Variants in TAF3 observed in about 807,000 individuals in gnomAD.
TAF3 encodes TATA-box binding protein associated factor 3, also known as transcription initiation factor TFIID subunit 3.
In TAF3, 7 loss-of-function variants were observed where a neutral mutation model predicts 80.6. The ratio of observed to expected loss-of-function variants is 0.09; its 90% confidence interval spans 0.05 to 0.16. TAF3 has a LOEUF of 0.16. Among genes scored for constraint, TAF3 ranks in the 10% least tolerant of loss-of-function variants. The pLI is 1.00. For synonymous variants in TAF3, 444 were observed against 446.1 expected (o/e 1.00, Z 0.06); for missense variants, 921 against 1,140.2 (o/e 0.81, Z 2.77).
chr10:7,966,263 C>T (rs570972544), intron 3 of TAF3, among the ~76,000 whole-genome samples: 5 of 152,326 alleles, frequency 3.3e-5, no homozygotes, highest in South Asian at 2.1e-4. Flanking sequence ...CAGAACTTTC[C>T]GTAGCATCTT....
At chr10:7,868,153 A>G (rs1325985769) in intron 2 of TAF3, among the ~76,000 whole-genome samples, 1 of 152,152 alleles carries the variant, frequency 6.6e-6, no homozygotes, top group Non-Finnish European at 1.5e-5. Context: ...GTTCAAAGCC[A>G]TGTTGTTCAA....
At chr10:7,919,263 G>T in intron 2 of TAF3, among the ~76,000 whole-genome samples, 1 of 152,316 alleles carries the variant, frequency 6.6e-6, no homozygotes, top group African/African-American at 2.4e-5. Context: ...AGGGGAAAGT[G>T]ATACTCAGTT....
chr10:7,856,550 C>T (rs1483041793), intron 2 of TAF3, among the ~76,000 whole-genome samples: 1 of 151,954 alleles, frequency 6.6e-6, no homozygotes, highest in Non-Finnish European at 1.5e-5. Context: ...GTCCAGGAAG[C>T]CTAATATCTG....
Position 7,964,841 on chromosome 10 carries a change from C to A in TAF3, c.1331C>A (p.Thr444Lys). Residue 444 changes from threonine to lysine, a missense_variant, in exon 3 of 7, where the codon ACA (threonine) becomes AAA (lysine). Thr to Lys is a moderately conservative substitution (Grantham distance 78, BLOSUM62 -1). This residue lies in a region of TAF3 where 743 missense variants were observed against 821.0 expected (regional missense o/e 0.90). Transcript: ENST00000344293. The surrounding 1 kb of genome is among the most constrained non-coding windows in gnomAD (Gnocchi z 4.1). ...GCTTCCACTTCCGCGAACAATTTCA[C>A]AAAGTCAGGATCCACTCCTCTGCCT... ...PKASTSANNF[T>K]KSGSTPLPLS... 6.2e-7 allele frequency: 1 copy of A among 1,614,166 alleles called. No individual in the cohort carries two copies. The highest frequency in any genetic ancestry group is 1.1e-5 in the South Asian group (1 of 91,080).
intron 4 of TAF3, among the ~76,000 whole-genome samples, chr10:7,988,572 C>CAA (rs58825999): frequency 0.022 from 1,088 of 49,162 alleles, 119 homozygotes; most frequent in Middle Eastern, 0.025. Context: ...GACCCTGTCT[C>CAA]AAAAAAAAAA....
chr10:7,978,866 G>T (rs1319270423), intron 4 of TAF3, among the ~76,000 whole-genome samples: 2 of 152,126 alleles, frequency 1.3e-5, no homozygotes, highest in African/African-American at 4.8e-5. Flanking sequence ...CCCTTTAGAG[G>T]AATAAGATTT....
At chr10:7,947,512 G>A (rs79883490) in intron 2 of TAF3, among the ~76,000 whole-genome samples, 11,898 of 152,290 alleles carry the variant, frequency 0.078, 771 homozygotes, top group East Asian at 0.27. Flanking sequence ...ACTGGGAGGC[G>A]AGTTGATTGC....
chr10:7,829,510 T>C (rs1380842074), intron 2 of TAF3, among the ~76,000 whole-genome samples: 2 of 152,180 alleles, frequency 1.3e-5, no homozygotes, highest in African/African-American at 4.8e-5. Flanking sequence ...TTGAGGATTA[T>C]TGGTTAGGTA....
intron 2 of TAF3, among the ~76,000 whole-genome samples, chr10:7,872,229 T>TTG (rs1288254377): frequency 6.6e-6 from 1 of 150,394 alleles, no homozygotes; most frequent in Non-Finnish European, 1.5e-5. Flanking sequence ...TTTTTTTTTT[T>TTG]TTTTCTTTCT....
intron 3 of TAF3, among the ~76,000 whole-genome samples, chr10:7,971,844 C>G (rs1438312103): frequency 6.6e-6 from 1 of 152,168 alleles, no homozygotes; most frequent in Admixed American, 6.5e-5. Context: ...AAAAAAAATG[C>G]AGCACATGGC....
At chr10:7,823,108 G>C (rs114982241) in intron 1 of TAF3, among the ~76,000 whole-genome samples, 1,603 of 151,974 alleles carry the variant, frequency 0.011, 27 homozygotes, top group African/African-American at 0.037. Context: ...GTGAGACCCT[G>C]TCTCAAAAAA....
At chr10:7,952,330 C>A (rs1297172146) in intron 2 of TAF3, among the ~76,000 whole-genome samples, 1 of 151,978 alleles carries the variant, frequency 6.6e-6, no homozygotes, top group African/African-American at 2.4e-5. Flanking sequence ...ATAGTTGAAC[C>A]AAGAAGAGTG....
chr10:7,982,050 A>C (rs1312813739), intron 4 of TAF3, among the ~76,000 whole-genome samples: 1 of 152,212 alleles, frequency 6.6e-6, no homozygotes, highest in Non-Finnish European at 1.5e-5. Flanking sequence ...TATATTTTAA[A>C]ATATAGCCAG....
intron 3 of TAF3, among the ~76,000 whole-genome samples, chr10:7,976,970 T>C (rs1487863905): frequency 2.0e-5 from 3 of 152,180 alleles, no homozygotes; most frequent in Non-Finnish European, 4.4e-5. Context: ...TTTAAAAATT[T>C]TAACAATATA....
intron 2 of TAF3, among the ~76,000 whole-genome samples, chr10:7,899,582 G>C (rs555427418): frequency 6.6e-6 from 1 of 152,174 alleles, no homozygotes; most frequent in Admixed American, 6.5e-5. Flanking sequence ...TTTGTGCTTG[G>C]TACTGGAAGG....
intron 2 of TAF3, among the ~76,000 whole-genome samples, chr10:7,840,912 T>C (rs1244494): frequency 0.18 from 27,189 of 151,744 alleles, 2,517 homozygotes; most frequent in South Asian, 0.26. Context: ...TGCAATGGCG[T>C]GATCTCGGCT....
intron 2 of TAF3, among the ~76,000 whole-genome samples, chr10:7,876,594 T>C (rs1472957538): frequency 6.6e-6 from 1 of 152,178 alleles, no homozygotes; most frequent in East Asian, 1.9e-4. Context: ...CCTATTCCTG[T>C]AGGTGAGCAC....
intron 4 of TAF3, among the ~76,000 whole-genome samples, chr10:8,005,867 CATATACTTATT>C (rs1831986024): frequency 6.6e-6 from 1 of 152,200 alleles, no homozygotes. Context: ...GAGACAGTGT[CATATACTTATT>C]AAGATCACAG....
At chr10:7,828,657 G>T (rs1397892840) in intron 2 of TAF3, among the ~76,000 whole-genome samples, 2 of 150,684 alleles carry the variant, frequency 1.3e-5, no homozygotes, top group Non-Finnish European at 3.0e-5. Flanking sequence ...GTCATTGTTG[G>T]TTCTCACAGT....
Sources: allele counts gnomAD v4.1 joint callset (sites outside exome capture counted in the v4.1 genomes callset), GRCh38; gene constraint gnomAD v4.1.1; regional missense constraint gnomAD v4.1.1; non-coding constraint Gnocchi (gnomAD v3.1); transcripts MANE v1.5; gene names NCBI Gene and HGNC (gene_info 2026-07-23, HGNC 2026-07-21).